PCCA: variants seen among roughly 807,000 people sequenced by gnomAD.
The protein encoded by PCCA is propionyl-CoA carboxylase subunit alpha, also known as propionyl-CoA carboxylase alpha chain, mitochondrial.
PCCA carries 74 observed loss-of-function variants against 101.3 expected under a neutral mutation model. The observed-to-expected ratio is 0.73, with a 90% CI of 0.61 to 0.89. The LOEUF (loss-of-function observed/expected upper bound fraction) is 0.89, where lower values mean the gene tolerates loss of function less well. PCCA is among the 40% of genes least tolerant of loss of function. The probability of loss-of-function intolerance (pLI) is 0.00; values close to 1 mark genes in which losing one functional copy is unlikely to be tolerated. For synonymous variants in PCCA, 294 were observed against 313.6 expected, an observed-to-expected ratio of 0.94 and a Z score of 0.66; for missense variants, 891 against 907.0, an observed-to-expected ratio of 0.98 and a Z score of 0.23.
intron 8 of PCCA, among the ~76,000 whole-genome samples, chr13:100,236,288 G>T (rs1056889999): frequency 6.6e-6 from 1 of 152,048 alleles, no homozygotes; most frequent in African/African-American, 2.4e-5. Flanking sequence ...TAAGATGTTA[G>T]GTATCAACTT....
chr13:100,470,691 T>C (rs1307878939), intron 21 of PCCA, among the ~76,000 whole-genome samples: 1 of 151,896 alleles, frequency 6.6e-6, no homozygotes, highest in Non-Finnish European at 1.5e-5. Context: ...AATTAAAAAA[T>C]AAAAATATGA....
intron 21 of PCCA, among the ~76,000 whole-genome samples, chr13:100,500,841 A>G (rs1215400249): frequency 2.6e-5 from 4 of 152,258 alleles, no homozygotes; most frequent in African/African-American, 9.6e-5. Context: ...TATGCAAAAG[A>G]TACTTTAAAG....
rs754279839 is a variant in PCCA, at chr13:100,301,484, A to C, written c.1090A>C (p.Ile364Leu). ...LQVEHPVTEC[I>L]TGLDLVQEMI... ...GGTTGAGCATCCTGTCACAGAATGC[A>C]TTACTGGCCTGGACCTAGTCCAGGA... Residue 364 changes from isoleucine (I) to leucine (L), a missense_variant, in exon 13 of 24, where the codon ATT becomes CTT. By Grantham distance (5) the Ile-to-Leu change is conservative. Transcript: ENST00000376285. 1 of 1,614,094 alleles carries C rather than the reference A, an allele frequency of 6.2e-7. No homozygotes were observed. Among genetic ancestry groups the C allele is most frequent in the Admixed American group, 1.7e-5 (1 of 60,034 alleles).
intron 21 of PCCA, among the ~76,000 whole-genome samples, chr13:100,509,490 C>T (rs1051658162): frequency 1.3e-5 from 2 of 152,122 alleles, no homozygotes; most frequent in Non-Finnish European, 2.9e-5. Context: ...TTGAGACACT[C>T]GTTTTTACCC....
rs1389933015 is a variant in PCCA at position 100,530,089 on chromosome 13, A to G, written c.2119-9A>G. The stretch of plus-strand genomic sequence containing the variant: ...CTCTCCCCTCCCCCTGCATTTTTCA[A>G]AATTCAAGGTGAAATCTGTGCACTG... On this transcript the variant is annotated splice_polypyrimidine_tract_variant and intron_variant, in intron 23 of 23. Coordinates refer to ENST00000376285, the MANE Select transcript of PCCA (RefSeq NM_000282.4). The G allele has an allele frequency of 5.6e-6, 9 of 1,612,846 alleles. No homozygotes were observed. The highest frequency in any genetic ancestry group is 7.6e-6 in the Non-Finnish European group (9 of 1,178,988).
chr13:100,152,035 A>G (rs1173792440), intron 4 of PCCA, among the ~76,000 whole-genome samples: 2 of 152,236 alleles, frequency 1.3e-5, no homozygotes, highest in Admixed American at 1.3e-4. Context: ...AACAATGACA[A>G]CAAAATTGAA....
intron 4 of PCCA, among the ~76,000 whole-genome samples, chr13:100,115,377 A>G (rs1259427152): frequency 4.6e-5 from 7 of 152,198 alleles, no homozygotes; most frequent in Admixed American, 3.3e-4. Flanking sequence ...GGGTGACTAC[A>G]GTCTGCAGTA....
chr13:100,117,593 G>A (rs1168493217), intron 4 of PCCA, among the ~76,000 whole-genome samples: 3 of 151,836 alleles, frequency 2.0e-5, no homozygotes, highest in Non-Finnish European at 2.9e-5. Flanking sequence ...TGGACACAGG[G>A]TAGGGAACAT....
chr13:100,111,225 G>A (rs2048289460), intron 2 of PCCA, among the ~76,000 whole-genome samples: 1 of 141,478 alleles, frequency 7.1e-6, no homozygotes, highest in Non-Finnish European at 1.5e-5. Flanking sequence ...TAGAGACAGG[G>A]TTTCACCATA....
intron 16 of PCCA, among the ~76,000 whole-genome samples, chr13:100,313,524 A>G (rs1241152470): frequency 6.6e-6 from 1 of 152,064 alleles, no homozygotes; most frequent in Non-Finnish European, 1.5e-5. Context: ...TCTTCTTGCT[A>G]CCTTCAGTTA....
At chr13:100,416,382 A>G (rs547006739) in intron 19 of PCCA, among the ~76,000 whole-genome samples, 1 of 152,116 alleles carries the variant, frequency 6.6e-6, no homozygotes, top group Admixed American at 6.5e-5. Flanking sequence ...AAGTTTCACC[A>G]TGTTGGCCAG....
intron 6 of PCCA, among the ~76,000 whole-genome samples, chr13:100,202,595 A>T (rs2058595077): frequency 6.8e-6 from 1 of 146,504 alleles, no homozygotes. Flanking sequence ...TTTAATATGT[A>T]TTTTTAGTTC....
chr13:100,170,674 G>A (rs891505817), intron 6 of PCCA, among the ~76,000 whole-genome samples: 6 of 152,156 alleles, frequency 3.9e-5, no homozygotes, highest in African/African-American at 9.7e-5. Context: ...CTAGTTGATT[G>A]TTGAGTGCAG....
intron 8 of PCCA, among the ~76,000 whole-genome samples, chr13:100,251,362 G>C (rs1451429488): frequency 6.6e-6 from 1 of 152,146 alleles, no homozygotes; most frequent in Non-Finnish European, 1.5e-5. Context: ...AATGGATAAT[G>C]CTGCAGTATG....
rs1160434738 is a variant in PCCA at position 100,499,451 on chromosome 13, A to G, written c.1900-15976A>G. Among the ~76,000 whole-genome samples the G allele has an allele frequency of 3.3e-5, 5 of 152,284 alleles. No individual in the cohort carries two copies. In the East Asian group the frequency reaches 9.6e-4, roughly 29 times the overall value. On this transcript the variant is annotated intron_variant, in intron 21 of 23. Transcript: ENST00000376285. ...TTTTGCAATTATTTTCTTCTGGTCC[A>G]GGCCTCACTCCTTCTAGCCCACATG...
chr13:100,307,232 G>A lies in PCCA; in HGVS notation c.1325G>A (p.Ser442Asn), dbSNP rs1186887948. 3.1e-6 allele frequency: 5 copies of A among 1,609,342 alleles called. No individual in the cohort carries two copies. The highest frequency in any genetic ancestry group is 4.3e-6 in the Non-Finnish European group (5 of 1,176,324). ...GGCATCCAACCAGGAAGTGATATTA[G>A]CATTTATTATGATCCTATGATTTCA... is the stretch of plus-strand genomic sequence containing the variant. ...DSGIQPGSDI[S>N]IYYDPMISKL... The change falls in exon 15 of 24, where the codon AGC (serine) becomes AAC (asparagine). Residue 442 changes from serine (S) to asparagine (N), a missense_variant. Coordinates refer to ENST00000376285, the MANE Select transcript of PCCA (RefSeq NM_000282.4).
rs75292298 is a variant in PCCA, at chr13:100,338,110, T to C, written c.1541-2047T>C. ...GGAGCTTGTTAGAAATGCAGATTAT[T>C]ACCCCTTGCCCTCATACCTTCTACC... is the stretch of plus-strand genomic sequence containing the variant. On this transcript the variant is annotated intron_variant, in intron 17 of 23. Coordinates refer to ENST00000376285, the MANE Select transcript of PCCA (RefSeq NM_000282.4). Among the ~76,000 whole-genome samples the C allele has an allele frequency of 5.5e-3, 836 of 152,298 alleles. 12 individuals carry two copies. The highest frequency in any genetic ancestry group is 0.02 in the African/African-American group (815 of 41,564).
chr13:100,263,196 T>C (rs1383324973), intron 10 of PCCA, among the ~76,000 whole-genome samples: 1 of 152,192 alleles, frequency 6.6e-6, no homozygotes, highest in Non-Finnish European at 1.5e-5. Context: ...GATCTGTAAA[T>C]CATTTCTTCT....
rs138101413 is a variant in PCCA, at chr13:100,325,650, C to T, written c.1430-4911C>T. Among the ~76,000 whole-genome samples, 439 of 152,270 alleles carry T rather than the reference C, an allele frequency of 2.9e-3. 1 individual carries two copies. Among genetic ancestry groups the T allele is most frequent in the African/African-American group, 0.01 (420 of 41,546 alleles). On this transcript the variant is annotated intron_variant, in intron 16 of 23. Transcript: ENST00000376285. ...GTCTGTTGTTCTGTGCAAATGCAAT[C>T]AGGTTTATGATCTGCACTTATCTGT...
Sources: gnomAD v4.1 joint callset for allele counts (sites outside exome capture counted in the v4.1 genomes callset) on GRCh38, gnomAD v4.1.1 for gene constraint, MANE v1.5 for transcripts, NCBI Gene and HGNC (gene_info 2026-07-23, HGNC 2026-07-21) for gene names.